The following UBE2G1 variants were observed in gnomAD, a reference collection of about 807,000 sequenced individuals.
UBE2G1 encodes the protein ubiquitin conjugating enzyme E2 G1.
Under a neutral mutation model 22.7 loss-of-function variants are expected in UBE2G1, and 5 were observed. That is an observed-to-expected ratio of 0.22 (90% CI 0.12 to 0.46). The LOEUF is 0.46. Among genes scored for constraint, UBE2G1 ranks in the 20% least tolerant of loss-of-function variants. The pLI is 0.99. For missense variants in UBE2G1, 88 were observed against 203.9 expected, an observed-to-expected ratio of 0.43 and a Z score of 3.46; for synonymous variants, 74 against 67.5, an observed-to-expected ratio of 1.10 and a Z score of -0.47.
intron 5 of UBE2G1, among the ~76,000 whole-genome samples, chr17:4,279,746 G>T (rs35514092): frequency 7.8e-6 from 1 of 127,526 alleles, no homozygotes. Context: ...CTGCAATCCA[G>T]CCCGAGCGAC....
chr17:4,321,942 ATT>A (rs1969444592), intron 1 of UBE2G1, among the ~76,000 whole-genome samples: 1 of 152,116 alleles, frequency 6.6e-6, no homozygotes, highest in Admixed American at 6.5e-5. Flanking sequence ...TAGCAACATA[ATT>A]TTTCTTTTTT....
chr17:4,341,130 C>T (rs1490147455), intron 1 of UBE2G1, among the ~76,000 whole-genome samples: 1 of 151,040 alleles, frequency 6.6e-6, no homozygotes, highest in Non-Finnish European at 1.5e-5. Flanking sequence ...CCAGTATTTT[C>T]AGAGTATTAG....
chr17:4,305,721 T>C (rs1384810135), intron 2 of UBE2G1, among the ~76,000 whole-genome samples: 2 of 152,116 alleles, frequency 1.3e-5, no homozygotes, highest in African/African-American at 4.8e-5. Context: ...TTTGTATTTT[T>C]AGTAGAGACA....
At chr17:4,278,446 T>G (rs187148605) in intron 5 of UBE2G1, among the ~76,000 whole-genome samples, 4 of 151,380 alleles carry the variant, frequency 2.6e-5, no homozygotes, top group East Asian at 1.9e-4. Flanking sequence ...AAAGAAAAAA[T>G]AAAAAAAAAT....
intron 1 of UBE2G1, among the ~76,000 whole-genome samples, chr17:4,342,537 G>A (rs1287940014): frequency 6.6e-6 from 1 of 152,198 alleles, no homozygotes; most frequent in Admixed American, 6.5e-5. Flanking sequence ...AGCCATGTTT[G>A]TGCCACTGAA....
At chr17:4,325,747 G>A (rs1969498498) in intron 1 of UBE2G1, among the ~76,000 whole-genome samples, 1 of 152,088 alleles carries the variant, frequency 6.6e-6, no homozygotes. Flanking sequence ...AAAACACTGT[G>A]GTATTGGCAA....
intron 2 of UBE2G1, among the ~76,000 whole-genome samples, chr17:4,306,061 A>G (rs1330922216): frequency 6.6e-6 from 1 of 152,228 alleles, no homozygotes; most frequent in East Asian, 1.9e-4. Context: ...ATAGATTATC[A>G]TAGAGCATAA....
At chr17:4,329,641 T>C (rs897597894) in intron 1 of UBE2G1, among the ~76,000 whole-genome samples, 1 of 152,066 alleles carries the variant, frequency 6.6e-6, no homozygotes. Flanking sequence ...GACTTTAATA[T>C]ATTTAAAATG....
chr17:4,315,987 A>G (rs1474855103), intron 1 of UBE2G1, among the ~76,000 whole-genome samples: 3 of 150,652 alleles, frequency 2.0e-5, no homozygotes, highest in Non-Finnish European at 3.0e-5. Flanking sequence ...TTTTATATAT[A>G]TATGTTTTTA....
intron 5 of UBE2G1, among the ~76,000 whole-genome samples, chr17:4,276,849 A>C (rs573820822): frequency 1.3e-5 from 2 of 152,220 alleles, no homozygotes; most frequent in Non-Finnish European, 2.9e-5. Flanking sequence ...GTTGAAACAA[A>C]GGCCTCAGTC....
chr17:4,293,473 T>C (rs1016642991), intron 3 of UBE2G1, among the ~76,000 whole-genome samples: 4 of 152,232 alleles, frequency 2.6e-5, no homozygotes, highest in African/African-American at 9.6e-5. Context: ...GAATAATAAA[T>C]GCTGCTGTGA....
chr17:4,297,055 T>G (rs897771594), intron 2 of UBE2G1, among the ~76,000 whole-genome samples: 1 of 152,176 alleles, frequency 6.6e-6, no homozygotes, highest in Non-Finnish European at 1.5e-5. Flanking sequence ...AAAAAGACAT[T>G]CACACCAGAT....
chr17:4,301,234 G>A, intron 2 of UBE2G1: 1 of 352,578 alleles, frequency 2.8e-6, no homozygotes. Flanking sequence ...TTCTATGATA[G>A]TCAGAATCAC....
chr17:4,273,800 CAG>C (rs1404242828), intron 5 of UBE2G1, among the ~76,000 whole-genome samples: 1 of 152,090 alleles, frequency 6.6e-6, no homozygotes, highest in Non-Finnish European at 1.5e-5. Flanking sequence ...CCAAAGAACT[CAG>C]AAACTCTGAA....
At chr17:4,296,961 TCTCA>T (rs2143711633) in intron 2 of UBE2G1, 147 bp from the exon 3 acceptor site, 1 of 659,800 alleles carries the variant, frequency 1.5e-6, no homozygotes, top group African/African-American at 1.8e-5. Context: ...GCAGTTACTT[TCTCA>T]AATAAGTAGT....
At chr17:4,354,723 T>C (rs1969885284) in intron 1 of UBE2G1, among the ~76,000 whole-genome samples, 1 of 152,068 alleles carries the variant, frequency 6.6e-6, no homozygotes, top group African/African-American at 2.4e-5. Context: ...TTGAACCCAG[T>C]AGTTCAAGAC....
At chr17:4,277,496 T>G (rs991256735) in intron 5 of UBE2G1, among the ~76,000 whole-genome samples, 2 of 152,176 alleles carry the variant, frequency 1.3e-5, no homozygotes, top group African/African-American at 4.8e-5. Flanking sequence ...TTTTCCTCTC[T>G]ATTCTTCCTA....
At position 4,270,064 on chromosome 17, in the gene UBE2G1, C is replaced by T. The variant is rs1285071355; in HGVS notation, c.*2490G>A. On this transcript the variant is annotated 3_prime_UTR_variant, in exon 6 of 6. Coordinates refer to ENST00000396981, the MANE Select transcript of UBE2G1 (RefSeq NM_003342.5). ...TAGGCCTGTTTCAGTATGTAACACA[C>T]TCAGGGCAGGTGGAAAAGCATGTGG... is the stretch of plus-strand genomic sequence containing the variant. The T allele has an allele frequency of 6.6e-6, 1 of 152,522 alleles. No individual in the cohort carries two copies. Among genetic ancestry groups the T allele is most frequent in the Non-Finnish European group, 1.5e-5 (1 of 68,030 alleles). 9.4% of individuals were successfully genotyped at this position (152,522 alleles called of 1,614,324 possible).
rs1445371605 is a variant in UBE2G1, at chr17:4,270,870, TACA to T, written c.*1681_*1683del. ...TTTTATTTCTGCTTAAAAAAGGACATACAACGTTTGTAGAGGTCTGGGCTCTTG... is the reference window on the plus strand; with the variant it reads ...TTTTATTTCTGCTTAAAAAAGGACATACGTTTGTAGAGGTCTGGGCTCTTG... On this transcript the variant is annotated 3_prime_UTR_variant, in exon 6 of 6. Transcript: ENST00000396981. 1 of 152,208 alleles carries T rather than the reference TACA, an allele frequency of 6.6e-6. No individual in the cohort carries two copies. Among genetic ancestry groups the T allele is most frequent in the African/African-American group, 2.4e-5 (1 of 41,462 alleles). The allele number at this position is 152,208 out of a possible 1,614,324, so 9.4% of individuals were successfully genotyped here. A position where few individuals can be genotyped will look rare whatever the true frequency, so the allele number is the denominator to read the frequency against.
Sources: allele counts gnomAD v4.1 joint callset (sites outside exome capture counted in the v4.1 genomes callset), GRCh38; gene constraint gnomAD v4.1.1; transcripts MANE v1.5; gene names NCBI Gene and HGNC (gene_info 2026-07-23, HGNC 2026-07-21).